The following EIF4G3 variants were observed in gnomAD, a reference collection of about 807,000 sequenced individuals.
EIF4G3 encodes the protein eIF-4-gamma 3.
In EIF4G3, 34 loss-of-function variants were observed where a neutral mutation model predicts 186.4. That is an observed-to-expected ratio of 0.18 (90% CI 0.14 to 0.24). EIF4G3 has a LOEUF of 0.24. Among genes scored for constraint, EIF4G3 ranks in the 10% least tolerant of loss-of-function variants. The pLI is 1.00. For missense variants in EIF4G3, 1,536 were observed against 1,948.5 expected (o/e 0.79, Z 3.99); for synonymous variants, 673 against 679.5 (o/e 0.99, Z 0.15).
chr1:20,858,363 G>A (rs530308545), intron 24 of EIF4G3, among the ~76,000 whole-genome samples: 1 of 152,164 alleles, frequency 6.6e-6, no homozygotes, highest in East Asian at 1.9e-4. Context: ...TGAAAATGCT[G>A]CTTCAGGGTC....
chr1:21,140,154 G>C (rs113442382), intron 2 of EIF4G3, among the ~76,000 whole-genome samples: 162 of 152,230 alleles, frequency 1.1e-3, no homozygotes, highest in African/African-American at 3.8e-3. Flanking sequence ...GGAAAATACA[G>C]TATTCTCTAG....
intron 4 of EIF4G3, among the ~76,000 whole-genome samples, chr1:21,018,922 TC>T (rs1266070553): frequency 8.2e-5 from 11 of 133,450 alleles, no homozygotes; most frequent in Admixed American, 7.5e-4. Flanking sequence ...CTAATAAAGC[TC>T]TTTTTTTTTT....
At chr1:20,808,017 G>A (rs998469028) in intron 36 of EIF4G3, among the ~76,000 whole-genome samples, 1 of 151,830 alleles carries the variant, frequency 6.6e-6, no homozygotes, top group Non-Finnish European at 1.5e-5. Flanking sequence ...CCAAGTACCT[G>A]GGATTACAGG....
At chr1:20,921,255 A>T (rs951779755) in intron 14 of EIF4G3, among the ~76,000 whole-genome samples, 14 of 152,232 alleles carry the variant, frequency 9.2e-5, no homozygotes, top group Admixed American at 4.6e-4. Context: ...AAAAGCCAAT[A>T]CAATTTTGAT....
chr1:21,045,634 G>C (rs2093838076), intron 4 of EIF4G3, among the ~76,000 whole-genome samples: 1 of 152,142 alleles, frequency 6.6e-6, no homozygotes, highest in Non-Finnish European at 1.5e-5. Context: ...CCTAGATTTT[G>C]ATCCTAGTTA....
intron 20 of EIF4G3, among the ~76,000 whole-genome samples, chr1:20,873,816 C>A (rs1558023292): frequency 6.6e-6 from 1 of 151,536 alleles, no homozygotes; most frequent in Non-Finnish European, 1.5e-5. Flanking sequence ...TACCTACTGA[C>A]CTGTCCTTTA....
chr1:20,832,966 CTA>C (rs1164719412), intron 30 of EIF4G3, among the ~76,000 whole-genome samples: 11 of 65,102 alleles, frequency 1.7e-4, no homozygotes, highest in Non-Finnish European at 6.3e-5. Flanking sequence ...TTCCATTGAT[CTA>C]TATCTCTGTT....
intron 4 of EIF4G3, among the ~76,000 whole-genome samples, chr1:21,027,426 C>T (rs1402800842): frequency 6.6e-6 from 1 of 151,686 alleles, no homozygotes; most frequent in African/African-American, 2.4e-5. Flanking sequence ...GTCAGGAGTT[C>T]GAGACCATCC....
At chr1:20,888,577 G>T (rs1217491701) in intron 18 of EIF4G3, among the ~76,000 whole-genome samples, 1 of 152,086 alleles carries the variant, frequency 6.6e-6, no homozygotes, top group Non-Finnish European at 1.5e-5. Flanking sequence ...GGAGACAAAA[G>T]AATCAGAATC....
rs2097152964 is a variant in EIF4G3 at position 21,131,441 on chromosome 1, G to C, written c.-271-42228C>G. Among the ~76,000 whole-genome samples, 6 of 126,666 alleles carry C rather than the reference G, an allele frequency of 4.7e-5. No homozygotes were observed. The South Asian group carries it at 1.5e-3, about 31-fold the overall frequency. 83.1% of individuals were successfully genotyped at this position (126,666 alleles called of 152,430 possible). A position where few individuals can be genotyped will look rare whatever the true frequency, so the allele number is the denominator to read the frequency against. ...AAGAAATACTTGAGATAATGACCTA[G>C]AATTTTCCAGAAAAAAAAAAAAAAA... On this transcript the variant is annotated intron_variant, in intron 2 of 36. Coordinates refer to ENST00000602326, the MANE Select transcript of EIF4G3 (RefSeq NM_001391906.1).
intron 3 of EIF4G3, among the ~76,000 whole-genome samples, chr1:21,055,834 GAAT>G (rs2094537999): frequency 6.6e-6 from 1 of 151,934 alleles, no homozygotes; most frequent in Non-Finnish European, 1.5e-5. Context: ...AAATAATTAG[GAAT>G]AATAAAGGAA....
At chr1:21,115,894 T>A (rs561394408) in intron 2 of EIF4G3, among the ~76,000 whole-genome samples, 175 of 152,174 alleles carry the variant, frequency 1.1e-3, no homozygotes, top group Middle Eastern at 6.8e-3. Context: ...AATTTTTTTT[T>A]AAATTTTTTG....
At chr1:21,014,849 G>A (rs1451715444) in intron 4 of EIF4G3, among the ~76,000 whole-genome samples, 3 of 151,970 alleles carry the variant, frequency 2.0e-5, no homozygotes, top group Non-Finnish European at 4.4e-5. Context: ...TGGCCAGGCT[G>A]GTCTTGAACT....
chr1:20,881,644 G>T (rs1215010852), intron 19 of EIF4G3, among the ~76,000 whole-genome samples: 1 of 151,612 alleles, frequency 6.6e-6, no homozygotes, highest in Non-Finnish European at 1.5e-5. Context: ...AAAATCAGCT[G>T]AGCACGGTGG....
rs1182050860 is a variant in EIF4G3 at position 20,817,504 on chromosome 1, G to A, written c.4403C>T (p.Ser1468Phe). ...LDFIESDSPC[S>F]SEALSKKELS... ...TTCTTTCTTTGAAAGTGCTTCAGAGGAACAGGGACTGTCAGACTCTATGAA... is the reference window on the plus strand; with the variant it reads ...TTCTTTCTTTGAAAGTGCTTCAGAGAAACAGGGACTGTCAGACTCTATGAA... Residue 1468 changes from serine (S) to phenylalanine (F), a missense_variant, in exon 34 of 37, where the codon TCC becomes TTC. By Grantham distance (155) the Ser-to-Phe change is radical. This residue lies in a region of EIF4G3 where 395 missense variants were observed against 498.9 expected (regional missense o/e 0.79). Coordinates refer to ENST00000602326, the MANE Select transcript of EIF4G3 (RefSeq NM_001391906.1). 1.9e-6 allele frequency: 3 copies of A among 1,605,382 alleles called. No homozygotes were observed. In the South Asian group the frequency reaches 3.3e-5, roughly 18 times the overall value.
At chr1:20,963,675 C>T (rs1308533266) in intron 12 of EIF4G3, among the ~76,000 whole-genome samples, 1 of 151,936 alleles carries the variant, frequency 6.6e-6, no homozygotes, top group Non-Finnish European at 1.5e-5. Flanking sequence ...GATCTTTGGC[C>T]GGGCATGGTG....
At chr1:21,069,117 G>C (rs1255078388) in intron 3 of EIF4G3, among the ~76,000 whole-genome samples, 1 of 152,138 alleles carries the variant, frequency 6.6e-6, no homozygotes, top group Non-Finnish European at 1.5e-5. Context: ...CTATGTAGCT[G>C]TAACCTTATC....
At chr1:21,120,351 T>C (rs905599138) in intron 2 of EIF4G3, among the ~76,000 whole-genome samples, 1 of 151,850 alleles carries the variant, frequency 6.6e-6, no homozygotes, top group Non-Finnish European at 1.5e-5. Flanking sequence ...CATGTCCTGA[T>C]GTAAAAAAAC....
intron 18 of EIF4G3, among the ~76,000 whole-genome samples, chr1:20,890,208 T>C (rs1356622439): frequency 6.6e-6 from 1 of 151,864 alleles, no homozygotes; most frequent in Admixed American, 6.6e-5. Context: ...CCTGGCCTCA[T>C]GTAATCTGCC....
Sources: gnomAD v4.1 joint callset for allele counts (sites outside exome capture counted in the v4.1 genomes callset) on GRCh38, gnomAD v4.1.1 for gene constraint, gnomAD v4.1.1 regional missense constraint, MANE v1.5 for transcripts, NCBI Gene and HGNC (gene_info 2026-07-23, HGNC 2026-07-21) for gene names.